Variants in AGBL4 observed in about 807,000 individuals in gnomAD.
The protein encoded by AGBL4 is AGBL carboxypeptidase 4.
In AGBL4, 58 loss-of-function variants were observed where a neutral mutation model predicts 66.4. The observed-to-expected ratio is 0.87, with a 90% CI of 0.71 to 1.09. AGBL4 has a LOEUF of 1.09. AGBL4 is among the 50% of genes least tolerant of loss of function. The probability of loss-of-function intolerance (pLI) is 0.00; values close to 1 mark genes in which losing one functional copy is unlikely to be tolerated. For missense variants in AGBL4, 579 were observed against 631.0 expected, an observed-to-expected ratio of 0.92 and a Z score of 0.88; for synonymous variants, 234 against 222.9, an observed-to-expected ratio of 1.05 and a Z score of -0.44.
At chr1:49,332,546 A>AT (rs1341106835) in intron 3 of AGBL4, among the ~76,000 whole-genome samples, 1 of 152,200 alleles carries the variant, frequency 6.6e-6, no homozygotes, top group South Asian at 2.1e-4. Flanking sequence ...CCACTCCTGT[A>AT]TATTGTTGCC....
intron 1 of AGBL4, among the ~76,000 whole-genome samples, chr1:49,935,810 G>A (rs144654753): frequency 0.012 from 1,786 of 152,222 alleles, 31 homozygotes; most frequent in African/African-American, 0.041. Flanking sequence ...CAAACAGAAA[G>A]GACATCCACA....
chr1:49,585,657 A>G (rs1294506662), intron 3 of AGBL4, among the ~76,000 whole-genome samples: 1 of 152,176 alleles, frequency 6.6e-6, no homozygotes, highest in Admixed American at 6.6e-5. Flanking sequence ...GACACAGCTA[A>G]GTCATGTCTG....
intron 6 of AGBL4, among the ~76,000 whole-genome samples, chr1:48,786,015 TA>T (rs35133989): frequency 0.087 from 12,379 of 142,864 alleles, 692 homozygotes; most frequent in East Asian, 0.34. Flanking sequence ...CCCCTAGACT[TA>T]AAAAAAAAAA....
intron 3 of AGBL4, among the ~76,000 whole-genome samples, chr1:49,258,728 C>T (rs1302210221): frequency 6.6e-6 from 1 of 152,232 alleles, no homozygotes; most frequent in Admixed American, 6.5e-5. Flanking sequence ...TTGGAAAACA[C>T]TCTGCAGGAT....
At chr1:49,810,364 T>C (rs940926386) in intron 2 of AGBL4, among the ~76,000 whole-genome samples, 3 of 152,152 alleles carry the variant, frequency 2.0e-5, no homozygotes, top group Non-Finnish European at 2.9e-5. Context: ...AAAAAGTAAC[T>C]ATACTAGAAA....
At chr1:49,905,637 G>A (rs1177865772) in intron 1 of AGBL4, among the ~76,000 whole-genome samples, 3 of 152,060 alleles carry the variant, frequency 2.0e-5, no homozygotes, top group Non-Finnish European at 4.4e-5. Flanking sequence ...TTGGCTATTC[G>A]CTGTGATTAA....
chr1:49,676,448 T>C (rs1274586369), intron 3 of AGBL4, among the ~76,000 whole-genome samples: 1 of 152,052 alleles, frequency 6.6e-6, no homozygotes, highest in Non-Finnish European at 1.5e-5. Context: ...TGATCTGGGG[T>C]AATATCATTT....
chr1:49,659,478 G>GA (rs1269844727), intron 3 of AGBL4, among the ~76,000 whole-genome samples: 4 of 152,132 alleles, frequency 2.6e-5, no homozygotes, highest in Non-Finnish European at 5.9e-5. Flanking sequence ...ATGTAAAACA[G>GA]AAAAAAGCAG....
chr1:49,015,213 C>T (rs1303563562), intron 5 of AGBL4, among the ~76,000 whole-genome samples: 1 of 151,920 alleles, frequency 6.6e-6, no homozygotes, highest in African/African-American at 2.4e-5. Flanking sequence ...TGATTTTGTT[C>T]CCTTAGGTTG....
At chr1:49,053,060 G>T (rs755125379) in intron 4 of AGBL4, among the ~76,000 whole-genome samples, 1 of 152,068 alleles carries the variant, frequency 6.6e-6, no homozygotes, top group Non-Finnish European at 1.5e-5. Context: ...ACACATACGG[G>T]GTGCTTAGTA....
intron 2 of AGBL4, among the ~76,000 whole-genome samples, chr1:49,823,242 G>T (rs995392035): frequency 7.2e-5 from 11 of 152,142 alleles, no homozygotes; most frequent in African/African-American, 2.4e-4. Flanking sequence ...CTTAAAGTTG[G>T]ATTTTCTCTT....
intron 2 of AGBL4, among the ~76,000 whole-genome samples, chr1:49,743,066 T>G (rs572812997): frequency 6.6e-6 from 1 of 152,204 alleles, no homozygotes; most frequent in South Asian, 2.1e-4. Flanking sequence ...CTAATTAAAC[T>G]AAAGAGCTTC....
At chr1:49,325,095 T>C (rs952588452) in intron 3 of AGBL4, among the ~76,000 whole-genome samples, 5 of 152,212 alleles carry the variant, frequency 3.3e-5, no homozygotes, top group Non-Finnish European at 7.3e-5. Flanking sequence ...CAATCTTGGC[T>C]CACTGCAAGC....
chr1:49,786,253 T>C (rs1571563488), intron 2 of AGBL4, among the ~76,000 whole-genome samples: 3 of 152,160 alleles, frequency 2.0e-5, no homozygotes, highest in African/African-American at 2.4e-5. Context: ...ACTATGTATA[T>C]AGTGTCACAG....
intron 4 of AGBL4, among the ~76,000 whole-genome samples, chr1:49,151,961 T>C (rs776687261): frequency 3.4e-5 from 5 of 149,154 alleles, no homozygotes; most frequent in Non-Finnish European, 7.4e-5. Context: ...AGGCAACAAA[T>C]AGGAAAAATA....
chr1:48,933,870 A>C (rs905842361), intron 5 of AGBL4, among the ~76,000 whole-genome samples: 1 of 152,170 alleles, frequency 6.6e-6, no homozygotes, highest in Non-Finnish European at 1.5e-5. Context: ...AAAGAGTTGG[A>C]CTTTCTTTGC....
chr1:49,652,215 A>G (rs900208021), intron 3 of AGBL4, among the ~76,000 whole-genome samples: 1 of 152,178 alleles, frequency 6.6e-6, no homozygotes, highest in Non-Finnish European at 1.5e-5. Flanking sequence ...TACCAAACCT[A>G]ATGATGTACA....
At chr1:49,072,872 G>C (rs947670564) in intron 4 of AGBL4, among the ~76,000 whole-genome samples, 2 of 152,112 alleles carry the variant, frequency 1.3e-5, no homozygotes, top group Non-Finnish European at 2.9e-5. Flanking sequence ...GTCACTTTCA[G>C]GTTCACCAAT....
intron 8 of AGBL4, among the ~76,000 whole-genome samples, chr1:48,648,063 A>G (rs1039649226): frequency 6.6e-5 from 10 of 152,212 alleles, no homozygotes; most frequent in South Asian, 4.1e-4. Flanking sequence ...GTAAATACAC[A>G]TAACATAAAA....
Sources: allele counts gnomAD v4.1 joint callset (sites outside exome capture counted in the v4.1 genomes callset), GRCh38; gene constraint gnomAD v4.1.1; transcripts MANE v1.5; gene names NCBI Gene and HGNC (gene_info 2026-07-23, HGNC 2026-07-21).